Variants in UMAD1 observed in about 807,000 individuals in gnomAD.
UMAD1 encodes UBAP1-MVB12-associated (UMA) domain containing 1.
In UMAD1, 8 loss-of-function variants were observed where a neutral mutation model predicts 6.1. The ratio of observed to expected loss-of-function variants is 1.30; its 90% CI spans 0.76 to 2.35. The LOEUF (loss-of-function observed/expected upper bound fraction) is 2.35. Ranked by LOEUF, UMAD1 falls within the 30% of genes most tolerant of loss-of-function variation. The pLI is 0.00. For missense variants in UMAD1, 130 were observed against 78.4 expected, an observed-to-expected ratio of 1.66 and a Z score of -2.49; for synonymous variants, 56 against 31.4, an observed-to-expected ratio of 1.78 and a Z score of -2.61.
At chr7:7,718,733 C>T (rs1179200088) in intron 2 of UMAD1, 1 of 152,160 alleles carries the variant, frequency 6.6e-6, no homozygotes, top group East Asian at 1.9e-4. Context: ...CAGTAGCAGG[C>T]AGTTAAAAAG....
chr7:7,678,200 T>A (rs1481679989), intron 2 of UMAD1, among the ~76,000 whole-genome samples: 2 of 151,956 alleles, frequency 1.3e-5, no homozygotes, highest in African/African-American at 2.4e-5. Flanking sequence ...TTTACATTCC[T>A]GCCACCAGGG....
chr7:7,821,072 G>A lies in UMAD1; in HGVS notation c.156+19329G>A, dbSNP rs371662680. On this transcript the variant is annotated intron_variant, in intron 3 of 3. Coordinates refer to ENST00000682710, the MANE Select transcript of UMAD1 (RefSeq NM_001302348.2). ...TAGTGGTATAGCTTTCTGGTATTTT[G>A]TAGCTTACTGTGTTCATGAACACAA... 5.3e-5 allele frequency among the ~76,000 whole-genome samples: 8 copies of A among 152,090 alleles called. No homozygotes were observed. The East Asian group carries it at 1.3e-3, about 26-fold the overall frequency.
intron 2 of UMAD1, among the ~76,000 whole-genome samples, chr7:7,723,441 G>A (rs1042393430): frequency 6.6e-6 from 1 of 152,162 alleles, no homozygotes; most frequent in East Asian, 1.9e-4. Flanking sequence ...GGCCCACTAT[G>A]AGCGAGCTGG....
At chr7:7,833,836 G>A (rs1476421545) in intron 3 of UMAD1, among the ~76,000 whole-genome samples, 2 of 152,024 alleles carry the variant, frequency 1.3e-5, no homozygotes, top group African/African-American at 2.4e-5. Context: ...TGAAATACTT[G>A]AAATGAAGAT....
At chr7:7,641,581 G>C (rs1784975579) in intron 1 of UMAD1, 1 of 152,270 alleles carries the variant, frequency 6.6e-6, no homozygotes, top group Non-Finnish European at 1.5e-5. Context: ...AGGTCTGGAA[G>C]ATAACCGATT....
chr7:7,668,128 G>T (rs994745448), intron 1 of UMAD1, among the ~76,000 whole-genome samples: 3 of 151,816 alleles, frequency 2.0e-5, no homozygotes, highest in African/African-American at 7.3e-5. Flanking sequence ...TGCCCAGGCT[G>T]GTCTCAACTC....
intron 2 of UMAD1, among the ~76,000 whole-genome samples, chr7:7,719,196 TATG>T (rs1178776676): frequency 1.3e-5 from 2 of 152,180 alleles, no homozygotes; most frequent in Non-Finnish European, 2.9e-5. Context: ...AATGATGAAA[TATG>T]ATCAGCAAGC....
chr7:7,712,068 C>T (rs905732384), intron 2 of UMAD1, among the ~76,000 whole-genome samples: 2 of 152,046 alleles, frequency 1.3e-5, no homozygotes, highest in African/African-American at 2.4e-5. Context: ...CTTTGGTTCT[C>T]CTACTTTATG....
chr7:7,649,260 A>G (rs1257769549), intron 1 of UMAD1, among the ~76,000 whole-genome samples: 1 of 152,148 alleles, frequency 6.6e-6, no homozygotes, highest in African/African-American at 2.4e-5. Flanking sequence ...AGGGACCCAC[A>G]TCTGGCAGGG....
chr7:7,854,858 C>A (rs1238177312), intron 3 of UMAD1, among the ~76,000 whole-genome samples: 6 of 152,174 alleles, frequency 3.9e-5, no homozygotes, highest in African/African-American at 1.4e-4. Context: ...CCTGTAAAAT[C>A]AAAGCAGGTT....
chr7:7,870,268 G>C (rs6958752), intron 3 of UMAD1, among the ~76,000 whole-genome samples: 1 of 152,002 alleles, frequency 6.6e-6, no homozygotes, highest in Non-Finnish European at 1.5e-5. Context: ...ATTTAAACTA[G>C]GTAAGGGCAA....
chr7:7,671,870 C>T (rs972202879), intron 1 of UMAD1, among the ~76,000 whole-genome samples: 1 of 152,106 alleles, frequency 6.6e-6, no homozygotes, highest in Non-Finnish European at 1.5e-5. Context: ...AGAAGCTGTT[C>T]CTTTTTTCTA....
At chr7:7,826,950 A>G (rs1190885022) in intron 3 of UMAD1, among the ~76,000 whole-genome samples, 1 of 152,144 alleles carries the variant, frequency 6.6e-6, no homozygotes, top group Non-Finnish European at 1.5e-5. Flanking sequence ...ATTTTCATTA[A>G]TATTTAGAGA....
rs1042642201 is a variant in UMAD1 at position 7,718,155 on chromosome 7, G to A, written c.82+44702G>A. Among the ~76,000 whole-genome samples, 12 of 152,276 alleles carry A rather than the reference G, an allele frequency of 7.9e-5. No individual in the cohort carries two copies. In the South Asian group the frequency reaches 2.1e-3, roughly 26 times the overall value. Reference sequence around the variant, plus strand: ...AGAAAGTAAAACTGGTATTAATTTGGGAAGAAGAAATTGCAGAACTTGAGT... The same window carrying A: ...AGAAAGTAAAACTGGTATTAATTTGAGAAGAAGAAATTGCAGAACTTGAGT... On this transcript the variant is annotated intron_variant, in intron 2 of 3. Coordinates refer to ENST00000682710, the MANE Select transcript of UMAD1 (RefSeq NM_001302348.2).
chr7:7,810,828 A>T (rs909030834), intron 3 of UMAD1, among the ~76,000 whole-genome samples: 1 of 152,272 alleles, frequency 6.6e-6, no homozygotes, highest in South Asian at 2.1e-4. Flanking sequence ...CATGAAGGAG[A>T]TATGTTGGCA....
chr7:7,732,203 T>C (rs1480115320), intron 2 of UMAD1, among the ~76,000 whole-genome samples: 1 of 152,090 alleles, frequency 6.6e-6, no homozygotes, highest in Non-Finnish European at 1.5e-5. Context: ...CCAACTGATA[T>C]GTTTTTGTTA....
In UMAD1 at chr7:7,860,241, T is replaced by C. The variant is rs182995718; in HGVS notation, c.157-17040T>C. Among the ~76,000 whole-genome samples, 449 of 152,268 alleles carry C rather than the reference T, an allele frequency of 2.9e-3. 14 individuals are homozygous for C. Among genetic ancestry groups the C allele is most frequent in the Admixed American group, 0.027 (414 of 15,294 alleles). On this transcript the variant is annotated intron_variant, in intron 3 of 3. Transcript: ENST00000682710. Reference sequence around the variant, plus strand: ...ATTAAATTGAACAGATTTACTTTAATTATGATTTTTAAAGACAAGCAAAGA... The same window carrying C: ...ATTAAATTGAACAGATTTACTTTAACTATGATTTTTAAAGACAAGCAAAGA...
chr7:7,754,663 G>T (rs1029367257), intron 2 of UMAD1, among the ~76,000 whole-genome samples: 2 of 152,038 alleles, frequency 1.3e-5, no homozygotes, highest in Non-Finnish European at 2.9e-5. Context: ...TTTCACCAAG[G>T]TTTAATTTTA....
chr7:7,694,469 T>C (rs1415687833), intron 2 of UMAD1, among the ~76,000 whole-genome samples: 1 of 152,136 alleles, frequency 6.6e-6, no homozygotes, highest in Admixed American at 6.6e-5. Flanking sequence ...ATGCCAGATC[T>C]TACTTATTGT....
Sources: gnomAD v4.1 joint callset for allele counts (sites outside exome capture counted in the v4.1 genomes callset) on GRCh38, gnomAD v4.1.1 for gene constraint, MANE v1.5 for transcripts, NCBI Gene and HGNC (gene_info 2026-07-23, HGNC 2026-07-21) for gene names.